C10orf90: variants seen among roughly 807,000 people sequenced by gnomAD.
C10orf90 encodes (E2-independent) E3 ubiquitin-conjugating enzyme FATS.
A neutral mutation model predicts 62.5 loss-of-function variants in C10orf90; 56 were observed. That is an observed-to-expected ratio of 0.90 (90% CI 0.72 to 1.12). C10orf90 has a LOEUF of 1.12. C10orf90 is among the 50% of genes most tolerant of loss of function. The pLI, the probability that C10orf90 is intolerant of heterozygous loss-of-function variation, is 0.00. For synonymous variants in C10orf90, 386 were observed against 340.4 expected, an observed-to-expected ratio of 1.13 and a Z score of -1.47; for missense variants, 970 against 880.4, an observed-to-expected ratio of 1.10 and a Z score of -1.29.
At chr10:126,529,837 T>C (rs1440663120) in intron 2 of C10orf90, among the ~76,000 whole-genome samples, 2 of 152,220 alleles carry the variant, frequency 1.3e-5, no homozygotes, top group Non-Finnish European at 2.9e-5. Flanking sequence ...CATCTAGCAA[T>C]TCTGCTCTTA....
chr10:126,655,834 C>CAAAAAAAAAAAAAAAA (rs1195360598), intron 1 of C10orf90, among the ~76,000 whole-genome samples: 1 of 126,478 alleles, frequency 7.9e-6, no homozygotes, highest in Non-Finnish European at 1.8e-5. Context: ...CAAAACAAAA[C>CAAAAAAAAAAAAAAAA]AAAACAAAAA....
chr10:126,443,102 A>G (rs551742216), intron 7 of C10orf90, among the ~76,000 whole-genome samples: 1 of 152,244 alleles, frequency 6.6e-6, no homozygotes, highest in Admixed American at 6.5e-5. Flanking sequence ...ACACACCTCA[A>G]GGAACTAGAG....
At chr10:126,576,701 AT>A (rs1464025798) in intron 2 of C10orf90, among the ~76,000 whole-genome samples, 4,772 of 81,934 alleles carry the variant, frequency 0.058, 929 homozygotes, top group African/African-American at 0.097. Flanking sequence ...ATGTATATGT[AT>A]ATGTATATAT....
At chr10:126,425,969 C>A (rs1181045285) in intron 9 of C10orf90, 22 bp downstream of exon 9, 4 of 1,613,706 alleles carry the variant, frequency 2.5e-6, no homozygotes, top group African/African-American at 2.7e-5. Flanking sequence ...CACATCACAC[C>A]TGCTGGTGAC....
intron 4 of C10orf90, among the ~76,000 whole-genome samples, chr10:126,501,466 G>T (rs1287660818): frequency 6.6e-6 from 1 of 152,174 alleles, no homozygotes; most frequent in Non-Finnish European, 1.5e-5. Context: ...CCAGGGCTCT[G>T]TGGCTTTGGA....
At chr10:126,615,344 G>A (rs1845518927) in intron 2 of C10orf90, among the ~76,000 whole-genome samples, 1 of 152,206 alleles carries the variant, frequency 6.6e-6, no homozygotes, top group African/African-American at 2.4e-5. Context: ...TATCCCAGAT[G>A]TGAGGTCTTG....
chr10:126,467,427 C>T (rs1327488517), intron 4 of C10orf90, among the ~76,000 whole-genome samples: 5 of 152,342 alleles, frequency 3.3e-5, no homozygotes, highest in African/African-American at 7.2e-5. Flanking sequence ...ATGCACTCCA[C>T]GTGCGAGTGG....
At chr10:126,471,625 C>T (rs575390402) in intron 4 of C10orf90, among the ~76,000 whole-genome samples, 36 of 152,116 alleles carry the variant, frequency 2.4e-4, no homozygotes, top group Non-Finnish European at 5.1e-4. Flanking sequence ...AGGAAAAAAT[C>T]CCAGCATATT....
At position 126,461,402 on chromosome 10, in the gene C10orf90, T is replaced by G; in HGVS notation, c.2009A>C (p.Gln670Pro). The change falls in exon 6 of 10, where the codon CAA becomes CCA. Residue 670 changes from glutamine (Q) to proline (P), a missense_variant and splice_region_variant. Transcript: ENST00000488181. ...QQTPARSLTLQEALEVRKPQF... is the reference protein window; with the variant it reads ...QQTPARSLTLPEALEVRKPQF... ...GCCAGGACACACAGAAGGCCTTACTTGCAAGGTCAAAGATCTTGCAGGCGT... is the reference window on the plus strand; with the variant it reads ...GCCAGGACACACAGAAGGCCTTACTGGCAAGGTCAAAGATCTTGCAGGCGT... 2 of 1,613,916 alleles carry G rather than the reference T, an allele frequency of 1.2e-6. No homozygotes were observed. Among genetic ancestry groups the G allele is most frequent in the Non-Finnish European group, 1.7e-6 (2 of 1,179,896 alleles).
At chr10:126,455,610 C>A (rs1291691383) in intron 7 of C10orf90, among the ~76,000 whole-genome samples, 1 of 152,192 alleles carries the variant, frequency 6.6e-6, no homozygotes, top group African/African-American at 2.4e-5. Context: ...TCAGGTGGCA[C>A]CCGGGTGAGG....
chr10:126,532,709 T>C lies in C10orf90; in HGVS notation c.314-18770A>G, dbSNP rs534854627. Among the ~76,000 whole-genome samples the C allele has an allele frequency of 3.8e-4, 57 of 149,886 alleles. 1 individual carries two copies. In the South Asian group the frequency reaches 5.8e-3, roughly 15 times the overall value. On this transcript the variant is annotated intron_variant, in intron 2 of 9. Transcript: ENST00000488181. ...AAAATTAGCCGGGCATGGTGGCGGG[T>C]GCCTGTAGTCCCAGCTACTCCGGAG...
chr10:126,459,718 A>G (rs1166888812), intron 6 of C10orf90, among the ~76,000 whole-genome samples: 2 of 152,240 alleles, frequency 1.3e-5, no homozygotes, highest in Non-Finnish European at 2.9e-5. Flanking sequence ...CTGCGGCTGA[A>G]GGAAACAGCT....
chr10:126,534,190 T>G (rs1440900479), intron 2 of C10orf90, among the ~76,000 whole-genome samples: 1 of 152,180 alleles, frequency 6.6e-6, no homozygotes, highest in African/African-American at 2.4e-5. Flanking sequence ...ACAGCCAGGG[T>G]GCAGAACCCA....
chr10:126,581,685 C>T (rs189192817), intron 2 of C10orf90, among the ~76,000 whole-genome samples: 1 of 152,192 alleles, frequency 6.6e-6, no homozygotes, highest in Non-Finnish European at 1.5e-5. Context: ...ACCCAGGTGT[C>T]TTATGTGGCC....
intron 2 of C10orf90, among the ~76,000 whole-genome samples, chr10:126,628,343 G>T (rs764278517): frequency 6.6e-6 from 1 of 152,188 alleles, no homozygotes; most frequent in Non-Finnish European, 1.5e-5. Flanking sequence ...TTAGGTGGTG[G>T]AAAGGAAAAA....
intron 7 of C10orf90, among the ~76,000 whole-genome samples, chr10:126,449,425 A>G (rs1859020992): frequency 6.6e-6 from 1 of 152,224 alleles, no homozygotes. Flanking sequence ...CCCACAGCTA[A>G]CATCATACTC....
chr10:126,657,769 T>TCA (rs1240306581), intron 1 of C10orf90, among the ~76,000 whole-genome samples: 1 of 151,890 alleles, frequency 6.6e-6, no homozygotes, highest in African/African-American at 2.4e-5. Flanking sequence ...GCTTGTGCCA[T>TCA]CACACCTGGC....
At chr10:126,582,570 G>C (rs982441271) in intron 2 of C10orf90, among the ~76,000 whole-genome samples, 4 of 152,180 alleles carry the variant, frequency 2.6e-5, no homozygotes, top group African/African-American at 9.7e-5. Flanking sequence ...CCATTGTAAT[G>C]TCTGTGGTTA....
intron 2 of C10orf90, among the ~76,000 whole-genome samples, chr10:126,628,187 A>T (rs1845784286): frequency 6.6e-6 from 1 of 152,154 alleles, no homozygotes; most frequent in African/African-American, 2.4e-5. Flanking sequence ...CAGTTTTCTT[A>T]TTGGACAAAT....
Sources: gnomAD v4.1 joint callset for allele counts (sites outside exome capture counted in the v4.1 genomes callset) on GRCh38, gnomAD v4.1.1 for gene constraint, MANE v1.5 for transcripts, NCBI Gene and HGNC (gene_info 2026-07-23, HGNC 2026-07-21) for gene names.